ELAPOR2: variants seen among roughly 807,000 people sequenced by gnomAD.
The protein encoded by ELAPOR2 is endosome-lysosome associated apoptosis and autophagy regulator family member 2.
Under a neutral mutation model 120.7 loss-of-function variants are expected in ELAPOR2, and 89 were observed. The ratio of observed to expected loss-of-function variants is 0.74; its 90% CI spans 0.62 to 0.88. The LOEUF is 0.88. ELAPOR2 is among the 40% of genes least tolerant of loss of function. The pLI is 0.00. For synonymous variants in ELAPOR2, 444 were observed against 444.9 expected (o/e 1.00, Z 0.03); for missense variants, 1,134 against 1,251.6 (o/e 0.91, Z 1.42).
chr7:86,951,793 A>C (rs996350369), intron 2 of ELAPOR2, among the ~76,000 whole-genome samples: 1 of 152,200 alleles, frequency 6.6e-6, no homozygotes, highest in African/African-American at 2.4e-5. Flanking sequence ...TTTCTTTTTA[A>C]AAACATCTGA....
At chr7:86,956,597 T>C (rs1017048122) in intron 2 of ELAPOR2, among the ~76,000 whole-genome samples, 1 of 152,186 alleles carries the variant, frequency 6.6e-6, no homozygotes, top group Admixed American at 6.5e-5. Flanking sequence ...CAGATAGTAA[T>C]CCCCGTTAAA....
At chr7:86,905,048 T>C (rs1225147608) in intron 18 of ELAPOR2, among the ~76,000 whole-genome samples, 3 of 129,606 alleles carry the variant, frequency 2.3e-5, no homozygotes, top group African/African-American at 8.7e-5. Flanking sequence ...AATGAATGAA[T>C]GAATGAGAAA....
At chr7:87,012,759 G>C (rs1793732478) in intron 1 of ELAPOR2, among the ~76,000 whole-genome samples, 1 of 152,168 alleles carries the variant, frequency 6.6e-6, no homozygotes, top group Admixed American at 6.5e-5. Context: ...AATGAACAAA[G>C]TATAACAAAA....
intron 2 of ELAPOR2, among the ~76,000 whole-genome samples, chr7:86,950,111 C>A (rs1186393391): frequency 1.3e-5 from 2 of 152,208 alleles, no homozygotes; most frequent in Admixed American, 6.5e-5. Flanking sequence ...CGGTTACCCA[C>A]TCCAGGGTCC....
At chr7:87,039,019 T>A (rs183307839) in intron 1 of ELAPOR2, among the ~76,000 whole-genome samples, 5 of 151,458 alleles carry the variant, frequency 3.3e-5, no homozygotes, top group Admixed American at 6.6e-5. Context: ...TTGACAAAAC[T>A]TTAGCTAGAC....
In ELAPOR2 at chr7:86,905,637, GA is replaced by G. The variant is rs546402496; in HGVS notation, c.2558+2032del. ...GAATACATTTTGAGAATCTGTCTCA[GA>G]AAAAAAAAAATCCAAAATGTGAGTT... On this transcript the variant is annotated intron_variant, in intron 18 of 21. Transcript: ENST00000450689. 7.8e-3 allele frequency among the ~76,000 whole-genome samples: 1,127 copies of G among 144,824 alleles called. 9 individuals are homozygous for G. The highest frequency in any genetic ancestry group is 0.021 in the African/African-American group (838 of 39,710).
At position 87,042,630 on chromosome 7, in the gene ELAPOR2, C is replaced by T. The variant is rs371697228; in HGVS notation, c.189+16695G>A. Among the ~76,000 whole-genome samples, 23 of 152,070 alleles carry T rather than the reference C, an allele frequency of 1.5e-4. No homozygotes were observed. The South Asian group carries it at 1.9e-3, about 12-fold the overall frequency. ...AAAGCAGTGTGTAGAGGGAAATTTA[C>T]AGCACTAAATGCCCACAAGAGAAAG... is the stretch of plus-strand genomic sequence containing the variant. On this transcript the variant is annotated intron_variant, in intron 1 of 21. Transcript: ENST00000450689.
At chr7:86,973,353 C>T (rs1792168931) in intron 1 of ELAPOR2, among the ~76,000 whole-genome samples, 1 of 152,124 alleles carries the variant, frequency 6.6e-6, no homozygotes, top group African/African-American at 2.4e-5. Flanking sequence ...CAATTCCTTG[C>T]CTCCAGACCC....
chr7:86,905,070 AGAAGGAAGGAAGGAAGGAAG>A lies in ELAPOR2; in HGVS notation c.2558+2580_2558+2599del, dbSNP rs201126011. 4.2e-3 allele frequency among the ~76,000 whole-genome samples: 408 copies of A among 98,200 alleles called. 1 individual carries two copies. Among genetic ancestry groups the A allele is most frequent in the Middle Eastern group, 0.023 (5 of 214 alleles). 64.4% of individuals were successfully genotyped at this position (98,200 alleles called of 152,430 possible). On this transcript the variant is annotated intron_variant, in intron 18 of 21. Coordinates refer to ENST00000450689, the MANE Select transcript of ELAPOR2 (RefSeq NM_001142749.3). ...GAATGAATGAGAAAGACAGAGAGAG[AGAAGGAAGGAAGGAAGGAAG>A]GAAGGAAGGAAGGAAGGAAGGAAGG...
chr7:87,041,635 T>C (rs1260419292), intron 1 of ELAPOR2, among the ~76,000 whole-genome samples: 5 of 151,982 alleles, frequency 3.3e-5, no homozygotes, highest in East Asian at 1.9e-4. Context: ...AAGGAACAAC[T>C]GGTACCAGCC....
intron 13 of ELAPOR2, 30 bp from the exon 14 acceptor site, chr7:86,913,234 C>T (rs763076116): frequency 1.1e-5 from 18 of 1,604,646 alleles, no homozygotes; most frequent in Non-Finnish European, 1.5e-5. Context: ...GTAATGACTT[C>T]TGCCTTGGGG....
chr7:87,009,826 C>G (rs1583986725), intron 1 of ELAPOR2, among the ~76,000 whole-genome samples: 1 of 152,168 alleles, frequency 6.6e-6, no homozygotes, highest in Admixed American at 6.5e-5. Context: ...GCTATTAACA[C>G]CCTCCACAGT....
intron 1 of ELAPOR2, among the ~76,000 whole-genome samples, chr7:87,012,270 C>T (rs1793713328): frequency 6.6e-6 from 1 of 152,110 alleles, no homozygotes; most frequent in South Asian, 2.1e-4. Flanking sequence ...ATTAGCTGGG[C>T]ATGGTGGCGC....
chr7:86,883,671 A>G (rs1173432144), intron 21 of ELAPOR2, among the ~76,000 whole-genome samples: 4 of 152,212 alleles, frequency 2.6e-5, no homozygotes, highest in African/African-American at 9.6e-5. Flanking sequence ...TTACATTTAT[A>G]TGAAGTTCTA....
chr7:87,004,628 TAACAGCC>T (rs1285990427), intron 1 of ELAPOR2, among the ~76,000 whole-genome samples: 1 of 152,112 alleles, frequency 6.6e-6, no homozygotes, highest in Non-Finnish European at 1.5e-5. Flanking sequence ...GGATTAGAGA[TAACAGCC>T]AACCAACACT....
At chr7:86,924,374 TACACACACACACACAC>T (rs3057442) in intron 10 of ELAPOR2, among the ~76,000 whole-genome samples, 1 of 145,238 alleles carries the variant, frequency 6.9e-6, no homozygotes, top group Non-Finnish European at 1.5e-5. Flanking sequence ...AGTAAGTGAA[TACACACACACACACAC>T]ACACACACAC....
intron 1 of ELAPOR2, among the ~76,000 whole-genome samples, chr7:87,029,576 T>C (rs1794361962): frequency 6.6e-6 from 1 of 152,316 alleles, no homozygotes; most frequent in Non-Finnish European, 1.5e-5. Context: ...GGAGGTTGGA[T>C]TTTAGAGTCA....
At chr7:86,962,593 G>A (rs1791758429) in intron 2 of ELAPOR2, among the ~76,000 whole-genome samples, 1 of 152,160 alleles carries the variant, frequency 6.6e-6, no homozygotes, top group Non-Finnish European at 1.5e-5. Context: ...AATCAGACAT[G>A]TCTGTCTTTG....
chr7:86,905,962 A>G (rs1032736105), intron 18 of ELAPOR2, among the ~76,000 whole-genome samples: 2 of 152,154 alleles, frequency 1.3e-5, no homozygotes. Flanking sequence ...TATTTTCCTT[A>G]TTACAATTAA....
Sources: gnomAD v4.1 joint callset for allele counts (sites outside exome capture counted in the v4.1 genomes callset) on GRCh38, gnomAD v4.1.1 for gene constraint, MANE v1.5 for transcripts, NCBI Gene and HGNC (gene_info 2026-07-23, HGNC 2026-07-21) for gene names.